DTNA: variants seen among roughly 807,000 people sequenced by gnomAD.
DTNA encodes dystrophin-related protein 3.
DTNA carries 43 observed loss-of-function variants against 100.7 expected under a neutral mutation model. The observed-to-expected ratio is 0.43, with a 90% CI of 0.33 to 0.55. The LOEUF is 0.55. Among genes scored for constraint, DTNA ranks in the 20% least tolerant of loss-of-function variants. DTNA has a pLI of 0.04. For synonymous variants in DTNA, 349 were observed against 347.9 expected (o/e 1.00, Z -0.04); for missense variants, 798 against 953.9 (o/e 0.84, Z 2.15).
At chr18:34,661,382 C>G (rs1453610738) in intron 1 of DTNA, among the ~76,000 whole-genome samples, 1 of 152,144 alleles carries the variant, frequency 6.6e-6, no homozygotes, top group East Asian at 1.9e-4. Context: ...GATGGCCCTG[C>G]CTTCTGTTAG....
chr18:34,836,046 A>G (rs1485989643), intron 11 of DTNA, among the ~76,000 whole-genome samples: 1 of 152,232 alleles, frequency 6.6e-6, no homozygotes, highest in Non-Finnish European at 1.5e-5. Flanking sequence ...ATCTATCTTT[A>G]GTTACAAAAA....
At chr18:34,601,637 C>G (rs771324030) in intron 1 of DTNA, among the ~76,000 whole-genome samples, 1 of 152,206 alleles carries the variant, frequency 6.6e-6, no homozygotes, top group Non-Finnish European at 1.5e-5. Flanking sequence ...CAGGTCCATA[C>G]TTGGTAAATG....
chr18:34,687,948 GA>G (rs2145745479), intron 1 of DTNA, among the ~76,000 whole-genome samples: 1 of 152,014 alleles, frequency 6.6e-6, no homozygotes, highest in South Asian at 2.1e-4. Context: ...TATCAGAGAC[GA>G]GGATTGCAAC....
intron 1 of DTNA, among the ~76,000 whole-genome samples, chr18:34,644,595 A>G (rs573101300): frequency 6.6e-6 from 1 of 152,250 alleles, no homozygotes; most frequent in African/African-American, 2.4e-5. Flanking sequence ...TATATTTTTA[A>G]TCATCAAGAA....
chr18:34,685,288 T>G (rs966318994), intron 1 of DTNA, among the ~76,000 whole-genome samples: 1 of 152,232 alleles, frequency 6.6e-6, no homozygotes, highest in Non-Finnish European at 1.5e-5. Flanking sequence ...CATTTAAGTC[T>G]TTAATCCATC....
At chr18:34,568,310 GGC>G (rs1231752730) in intron 1 of DTNA, among the ~76,000 whole-genome samples, 1 of 152,140 alleles carries the variant, frequency 6.6e-6, no homozygotes, top group African/African-American at 2.4e-5. Context: ...GATTTGTCAA[GGC>G]ATTCTGGCGT....
intron 1 of DTNA, among the ~76,000 whole-genome samples, chr18:34,724,418 T>C (rs1265290722): frequency 6.6e-6 from 1 of 152,246 alleles, no homozygotes; most frequent in East Asian, 1.9e-4. Context: ...TACAAATTTA[T>C]TGAACAGCAG....
chr18:34,531,535 G>T (rs2043141837), intron 1 of DTNA, among the ~76,000 whole-genome samples: 1 of 151,976 alleles, frequency 6.6e-6, no homozygotes, highest in Admixed American at 6.6e-5. Context: ...ATAACTTTCT[G>T]TTATCTTTTT....
chr18:34,572,446 T>C (rs1051185517), intron 1 of DTNA, among the ~76,000 whole-genome samples: 2 of 152,242 alleles, frequency 1.3e-5, no homozygotes, highest in Admixed American at 6.5e-5. Context: ...CATTTAGTAT[T>C]CACCACAGCT....
At chr18:34,617,271 TCTTA>T (rs2055496079) in intron 1 of DTNA, among the ~76,000 whole-genome samples, 1 of 152,182 alleles carries the variant, frequency 6.6e-6, no homozygotes, top group Non-Finnish European at 1.5e-5. Context: ...TATAGATGGC[TCTTA>T]CTATTTTAAG....
chr18:34,737,018 C>CCATTTGAA (rs1284406905), intron 1 of DTNA, among the ~76,000 whole-genome samples: 1 of 152,102 alleles, frequency 6.6e-6, no homozygotes, highest in East Asian at 1.9e-4. Context: ...CCTTCAAAAC[C>CCATTTGAA]AGGGAGTAGT....
intron 1 of DTNA, among the ~76,000 whole-genome samples, chr18:34,684,186 A>G (rs1264342376): frequency 1.3e-5 from 2 of 152,152 alleles, no homozygotes; most frequent in African/African-American, 2.4e-5. Flanking sequence ...TCTGGGATAC[A>G]TATGCAGAAC....
chr18:34,523,036 C>T (rs1488362055), intron 1 of DTNA, among the ~76,000 whole-genome samples: 1 of 152,142 alleles, frequency 6.6e-6, no homozygotes, highest in African/African-American at 2.4e-5. Context: ...ATGTTTCAGT[C>T]CCACTTTAGA....
intron 1 of DTNA, among the ~76,000 whole-genome samples, chr18:34,535,082 T>C (rs530795113): frequency 6.6e-6 from 1 of 152,186 alleles, no homozygotes; most frequent in African/African-American, 2.4e-5. Flanking sequence ...TGTTCCACAA[T>C]GGTTGAACTA....
chr18:34,522,685 T>C (rs1284022654), intron 1 of DTNA, among the ~76,000 whole-genome samples: 1 of 152,138 alleles, frequency 6.6e-6, no homozygotes, highest in East Asian at 1.9e-4. Flanking sequence ...ACAAGTGTGG[T>C]CAAGTGCAAA....
intron 15 of DTNA, among the ~76,000 whole-genome samples, chr18:34,852,275 A>G (rs948905691): frequency 6.6e-6 from 1 of 152,018 alleles, no homozygotes; most frequent in Non-Finnish European, 1.5e-5. Context: ...AGGTGTCTCT[A>G]CCACCCAGAA....
At chr18:34,542,336 A>T (rs2044327135) in intron 1 of DTNA, among the ~76,000 whole-genome samples, 1 of 152,056 alleles carries the variant, frequency 6.6e-6, no homozygotes, top group Non-Finnish European at 1.5e-5. Context: ...CAGTGATTAT[A>T]TTGTTAATAT....
chr18:34,573,203 A>C (rs1436726213), intron 1 of DTNA, among the ~76,000 whole-genome samples: 4 of 152,178 alleles, frequency 2.6e-5, no homozygotes, highest in African/African-American at 9.7e-5. Flanking sequence ...CTCTGTGTTT[A>C]AAAGTCTGTG....
chr18:34,611,173 C>T (rs975355588), intron 1 of DTNA, among the ~76,000 whole-genome samples: 2 of 151,520 alleles, frequency 1.3e-5, no homozygotes, highest in African/African-American at 2.4e-5. Context: ...TAAACTCCCA[C>T]AAAAAAAAAT....
Sources: gnomAD v4.1 joint callset for allele counts (sites outside exome capture counted in the v4.1 genomes callset) on GRCh38, gnomAD v4.1.1 for gene constraint, MANE v1.5 for transcripts, NCBI Gene and HGNC (gene_info 2026-07-23, HGNC 2026-07-21) for gene names.